Variants in STK31 observed in about 807,000 individuals in gnomAD.
STK31 encodes the protein serine/threonine kinase 31, also known as serine/threonine-protein kinase 31.
A neutral mutation model predicts 129.7 loss-of-function variants in STK31; 89 were observed. The ratio of observed to expected loss-of-function variants is 0.69; its 90% CI spans 0.58 to 0.82. The LOEUF (loss-of-function observed/expected upper bound fraction) is 0.82, where lower values mean the gene tolerates loss of function less well. Among genes scored for constraint, STK31 ranks in the 40% least tolerant of loss-of-function variants. STK31 has a pLI of 0.00. For synonymous variants in STK31, 448 were observed against 395.3 expected (o/e 1.13, Z -1.58); for missense variants, 1,187 against 1,176.4 (o/e 1.01, Z -0.13).
chr7:23,780,134 A>T (rs1584433909), intron 15 of STK31, among the ~76,000 whole-genome samples: 1 of 152,062 alleles, frequency 6.6e-6, no homozygotes, highest in African/African-American at 2.4e-5. Flanking sequence ...GTGACTCCCC[A>T]CCCTGCTTTT....
chr7:23,716,088 G>A (rs1786298582), intron 3 of STK31, among the ~76,000 whole-genome samples: 1 of 152,052 alleles, frequency 6.6e-6, no homozygotes, highest in African/African-American at 2.4e-5. Context: ...GTCTTTTTGT[G>A]TTCCAGGATC....
intron 3 of STK31, among the ~76,000 whole-genome samples, chr7:23,716,817 A>C (rs1786353635): frequency 9.0e-6 from 1 of 111,646 alleles, no homozygotes; most frequent in African/African-American, 3.5e-5. Flanking sequence ...TTTTTTTTTC[A>C]AGACAGGGTC....
intron 5 of STK31, among the ~76,000 whole-genome samples, 161 bp from the exon 6 acceptor site, chr7:23,728,930 T>A (rs62468597): frequency 0.11 from 16,862 of 152,206 alleles, 1,312 homozygotes; most frequent in South Asian, 0.23. Context: ...TTTTTTTTAT[T>A]TTGAAGATAT....
chr7:23,753,726 C>T (rs1788868211), intron 9 of STK31, among the ~76,000 whole-genome samples: 1 of 152,106 alleles, frequency 6.6e-6, no homozygotes, highest in South Asian at 2.1e-4. Context: ...ACTCATTCAC[C>T]AAAGTTTGGG....
chr7:23,754,611 G>C lies in STK31; in HGVS notation c.1293+137G>C, dbSNP rs1788940284. The C allele has an allele frequency of 7.6e-6, 7 of 922,344 alleles. No individual in the cohort carries two copies. The South Asian group carries it at 1.4e-4, about 18-fold the overall frequency. The allele number at this position is 922,344 out of a possible 1,614,324, so 57.1% of individuals were successfully genotyped here. On this transcript the variant is annotated intron_variant, in intron 10 of 23. Coordinates refer to ENST00000355870, the MANE Select transcript of STK31 (RefSeq NM_031414.5). ...TGTTACATAGGTATACATGCGCCGT[G>C]GTAGTTTGCTGCACCTGTCCTCTAA...
chr7:23,760,075 A>G (rs1390851466), intron 10 of STK31, among the ~76,000 whole-genome samples: 1 of 152,240 alleles, frequency 6.6e-6, no homozygotes, highest in Non-Finnish European at 1.5e-5. Context: ...AATATTTTAC[A>G]TAAATTCTTT....
intron 8 of STK31, 137 bp from the exon 9 acceptor site, chr7:23,752,580 A>T: frequency 1.5e-6 from 1 of 665,230 alleles, no homozygotes; most frequent in East Asian, 2.9e-5. Flanking sequence ...AGCTCAAACC[A>T]TCTGTCCTCC....
chr7:23,714,165 T>C (rs765655241), intron 3 of STK31, among the ~76,000 whole-genome samples: 2 of 152,132 alleles, frequency 1.3e-5, no homozygotes, highest in Non-Finnish European at 2.9e-5. Context: ...TAAAAAAAAA[T>C]TGTAGAAGGG....
chr7:23,747,941 C>T (rs746309830), intron 8 of STK31, among the ~76,000 whole-genome samples: 5 of 151,960 alleles, frequency 3.3e-5, no homozygotes, highest in Non-Finnish European at 7.4e-5. Flanking sequence ...TTTTTCTCTC[C>T]TGATTTCCTG....
chr7:23,728,073 T>C (rs990993044), intron 5 of STK31, among the ~76,000 whole-genome samples: 4 of 26,094 alleles, frequency 1.5e-4, no homozygotes, highest in African/African-American at 3.4e-4. Flanking sequence ...TGTGTTAAGC[T>C]TTTTTTTTTT....
At chr7:23,766,809 T>C (rs1427776967) in intron 11 of STK31, among the ~76,000 whole-genome samples, 1 of 152,188 alleles carries the variant, frequency 6.6e-6, no homozygotes, top group African/African-American at 2.4e-5. Flanking sequence ...CTGATAGATA[T>C]TTCAGCTTCT....
intron 10 of STK31, among the ~76,000 whole-genome samples, chr7:23,761,708 G>GTT (rs879311911): frequency 5.8e-4 from 82 of 142,200 alleles, no homozygotes; most frequent in African/African-American, 1.9e-3. Flanking sequence ...GTGCCCAGAT[G>GTT]TTTTTTTTTT....
chr7:23,750,738 T>C (rs1788660415), intron 8 of STK31, among the ~76,000 whole-genome samples: 1 of 152,240 alleles, frequency 6.6e-6, no homozygotes, highest in South Asian at 2.1e-4. Context: ...ATATACATTT[T>C]ATTTTTTTCT....
intron 6 of STK31, among the ~76,000 whole-genome samples, chr7:23,730,878 A>ATATTTTTTTTTTTTTTTT: frequency 5.0e-5 from 3 of 59,542 alleles, no homozygotes; most frequent in Non-Finnish European, 9.8e-5. Context: ...ATATATATAT[A>ATATTTTTTTTTTTTTTTT]TTTTTTTTTT....
intron 8 of STK31, among the ~76,000 whole-genome samples, chr7:23,751,916 G>A (rs558226287): frequency 6.9e-4 from 105 of 151,090 alleles, no homozygotes; most frequent in Middle Eastern, 3.4e-3. Context: ...AGTTCCTAGA[G>A]CAGTCAAATC....
At position 23,731,128 on chromosome 7, in the gene STK31, CCT is replaced by C. The variant is rs940010102; in HGVS notation, c.483+1880_483+1881del. Among the ~76,000 whole-genome samples, 210 of 151,886 alleles carry C rather than the reference CCT, an allele frequency of 1.4e-3. 1 individual carries two copies. Among genetic ancestry groups the C allele is most frequent in the African/African-American group, 4.8e-3 (198 of 41,458 alleles). On this transcript the variant is annotated intron_variant, in intron 6 of 23. Transcript: ENST00000355870. Reference sequence around the variant, plus strand: ...TGAACTCCTGACTTCAAGAGATCCCCCTGTCTCTGCCTTCCAAAGTGCTGGGA... The same window carrying C: ...TGAACTCCTGACTTCAAGAGATCCCCGTCTCTGCCTTCCAAAGTGCTGGGA...
chr7:23,816,096 A>G (rs1474928609), intron 23 of STK31, among the ~76,000 whole-genome samples: 6 of 152,192 alleles, frequency 3.9e-5, no homozygotes, highest in African/African-American at 9.7e-5. Flanking sequence ...TACCTTAGAA[A>G]TGATATTAAG....
chr7:23,759,253 T>G (rs1311090481), intron 10 of STK31, among the ~76,000 whole-genome samples: 3 of 152,202 alleles, frequency 2.0e-5, no homozygotes, highest in Non-Finnish European at 4.4e-5. Flanking sequence ...TATTCAGGAC[T>G]TGAACTTAGC....
Position 23,785,616 on chromosome 7 carries a change from T to A in STK31, c.2274+13T>A, listed in dbSNP as rs1791226411. The A allele has an allele frequency of 6.2e-7, 1 of 1,606,432 alleles. No individual in the cohort carries two copies. Among genetic ancestry groups the A allele is most frequent in the Non-Finnish European group, 8.5e-7 (1 of 1,174,670 alleles). On this transcript the variant is annotated intron_variant, in intron 18 of 23. Transcript: ENST00000355870. The stretch of plus-strand genomic sequence containing the variant: ...AATTCTGTTAAAGGTAAGTCTAACT[T>A]CTTCTTACTTGTGGGAGATTCAGCA...
Sources: gnomAD v4.1 joint callset for allele counts (sites outside exome capture counted in the v4.1 genomes callset) on GRCh38, gnomAD v4.1.1 for gene constraint, MANE v1.5 for transcripts, NCBI Gene and HGNC (gene_info 2026-07-23, HGNC 2026-07-21) for gene names.